The following IL7R variants were observed in gnomAD, a reference collection of about 807,000 sequenced individuals.
IL7R encodes interleukin 7 receptor.
IL7R carries 38 observed loss-of-function variants against 47.0 expected under a neutral mutation model. That is an observed-to-expected ratio of 0.81 (90% CI 0.62 to 1.06). The LOEUF (loss-of-function observed/expected upper bound fraction) is 1.06. IL7R is among the 50% of genes least tolerant of loss of function. The pLI is 0.00. For missense variants in IL7R, 633 were observed against 534.8 expected (o/e 1.18, Z -1.81); for synonymous variants, 221 against 199.8 (o/e 1.11, Z -0.89).
rs891098363 is a variant in IL7R at position 35,876,474 on chromosome 5, C to T, written c.1368C>T (p.Tyr456=). ...CATATGTCACCATGTCCAGCTTCTA[C>T]CAAAACCAGTGAAGTGTAAGAAACC... The part of the protein sequence containing the change: ...EEAYVTMSSF[Y]QNQ The change falls in exon 8 of 8, where the codon TAC becomes TAT. Residue 456 remains tyrosine, a synonymous_variant. Coordinates refer to ENST00000303115, the MANE Select transcript of IL7R (RefSeq NM_002185.5). 2.5e-6 allele frequency: 4 copies of T among 1,602,578 alleles called. No homozygotes were observed. The highest frequency in any genetic ancestry group is 1.1e-5 in the South Asian group (1 of 91,084).
Position 35,876,676 on chromosome 5 carries a change from G to A in IL7R, c.*190G>A. 1.5e-6 allele frequency: 1 copy of A among 649,218 alleles called. No individual in the cohort carries two copies. The highest frequency in any genetic ancestry group is 2.7e-5 in the East Asian group (1 of 36,576). The allele number at this position is 649,218 out of a possible 1,614,324, so 40.2% of individuals were successfully genotyped here. On this transcript the variant is annotated 3_prime_UTR_variant, in exon 8 of 8. Coordinates refer to ENST00000303115, the MANE Select transcript of IL7R (RefSeq NM_002185.5). ...TTCAGTGGCACTCAACATGAGTCAA[G>A]AGCATCCTGCTTCTACCATGTGGAT...
intron 5 of IL7R, 87 bp from the exon 6 acceptor site, chr5:35,874,362 A>G: frequency 1.1e-6 from 1 of 879,200 alleles, no homozygotes; most frequent in South Asian, 1.3e-5. Context: ...GTGGGCCCAC[A>G]TTACTAAGTA....
In IL7R at chr5:35,873,493, C is replaced by G. The variant is rs1760123299; in HGVS notation, c.551C>G (p.Ser184Cys). The G allele has an allele frequency of 1.2e-6, 2 of 1,613,820 alleles. No homozygotes were observed. Among genetic ancestry groups the G allele is most frequent in the East Asian group, 2.2e-5 (1 of 44,896 alleles). The change falls in exon 5 of 8, where the codon TCC (serine) becomes TGC (cysteine). Residue 184 changes from serine (S) to cysteine (C), a missense_variant. Coordinates refer to ENST00000303115, the MANE Select transcript of IL7R (RefSeq NM_002185.5). ...TCTACTCTCTAGCATGTGAATTTAT[C>G]CAGCACAAAGCTGACACTCCTGCAG... ...DENKWTHVNLSSTKLTLLQRK... is the reference protein window; with the variant it reads ...DENKWTHVNLCSTKLTLLQRK...
Position 35,876,254 on chromosome 5 carries a change from C to A in IL7R, c.1148C>A (p.Ser383Tyr), listed in dbSNP as rs2149905860. 1 of 1,614,094 alleles carries A rather than the reference C, an allele frequency of 6.2e-7. No individual in the cohort carries two copies. The highest frequency in any genetic ancestry group is 8.5e-7 in the Non-Finnish European group (1 of 1,180,010). The change falls in exon 8 of 8, where the codon TCC (serine) becomes TAC (tyrosine). Residue 383 changes from serine (S) to tyrosine (Y), a missense_variant. Transcript: ENST00000303115. ...NVSACDAPILSSSRSLDCRES... is the reference protein window; with the variant it reads ...NVSACDAPILYSSRSLDCRES... ...AGTGCATGTGACGCCCCTATTCTCT[C>A]CTCTTCCAGGTCCCTAGACTGCAGG...
At chr5:35,860,748 T>C (rs1161467498) in intron 1 of IL7R, 104 bp from the exon 2 acceptor site, 2 of 1,156,544 alleles carry the variant, frequency 1.7e-6, no homozygotes, top group Non-Finnish European at 2.6e-6. Context: ...TCCATTACTA[T>C]TTCATGTCTG....
In IL7R at chr5:35,877,624, T is replaced by A; in HGVS notation, c.*1138T>A. ...TAGACACTACCCCAACCTAAATTCATCCCTAAATTGTCCCAAGTTCTCCAG... is the reference window on the plus strand; with the variant it reads ...TAGACACTACCCCAACCTAAATTCAACCCTAAATTGTCCCAAGTTCTCCAG... On this transcript the variant is annotated 3_prime_UTR_variant, in exon 8 of 8. Coordinates refer to ENST00000303115, the MANE Select transcript of IL7R (RefSeq NM_002185.5). 4.3e-6 allele frequency: 1 copy of A among 233,052 alleles called. No individual in the cohort carries two copies. The highest frequency in any genetic ancestry group is 8.5e-6 in the Non-Finnish European group (1 of 118,002). The allele number at this position is 233,052 out of a possible 1,614,324, so 14.4% of individuals were successfully genotyped here. A position where few individuals can be genotyped will look rare whatever the true frequency, so the allele number is the denominator to read the frequency against.
chr5:35,866,576 T>C (rs917281662), intron 2 of IL7R, among the ~76,000 whole-genome samples: 1 of 152,154 alleles, frequency 6.6e-6, no homozygotes, highest in African/African-American at 2.4e-5. Flanking sequence ...GTTTAATTTC[T>C]TTGAGAGAAA....
At chr5:35,871,446 CA>C (rs1760073824) in intron 4 of IL7R, among the ~76,000 whole-genome samples, 1 of 152,138 alleles carries the variant, frequency 6.6e-6, no homozygotes, top group African/African-American at 2.4e-5. Flanking sequence ...AATGTTTCTA[CA>C]TTAGTGAGTT....
chr5:35,860,647 G>A (rs775383120), intron 1 of IL7R, among the ~76,000 whole-genome samples: 1 of 151,968 alleles, frequency 6.6e-6, no homozygotes, highest in Non-Finnish European at 1.5e-5. Context: ...AGCATTGAGC[G>A]TTTTTGTTTT....
chr5:35,862,391 C>A (rs528907439), intron 2 of IL7R, among the ~76,000 whole-genome samples: 1 of 152,096 alleles, frequency 6.6e-6, no homozygotes, highest in East Asian at 1.9e-4. Flanking sequence ...TTCATTCACA[C>A]CATATTTGAC....
In IL7R at chr5:35,875,611, AG is replaced by A. The variant is rs541039622; in HGVS notation, c.876+25del. The A allele has an allele frequency of 1.7e-4, 262 of 1,564,064 alleles. 1 individual carries two copies. In the African/African-American group the frequency reaches 3.3e-3, roughly 19 times the overall value. On this transcript the variant is annotated intron_variant, in intron 7 of 7. Coordinates refer to ENST00000303115, the MANE Select transcript of IL7R (RefSeq NM_002185.5). ...AAGTGAGTGTTTTTGGTGCTTAAAAAGTGTTGTGTTGGCAACATCCCAGTGG... is the reference window on the plus strand; with the variant it reads ...AAGTGAGTGTTTTTGGTGCTTAAAAATGTTGTGTTGGCAACATCCCAGTGG...
At chr5:35,871,298 G>A (rs1468040087) in intron 4 of IL7R, 85 bp downstream of exon 4, 1 of 1,124,538 alleles carries the variant, frequency 8.9e-7, no homozygotes, top group Non-Finnish European at 1.3e-6. Context: ...CCCCTGGGAG[G>A]GCCCAACAAT....
intron 2 of IL7R, among the ~76,000 whole-genome samples, chr5:35,866,839 A>G (rs944732116): frequency 9.9e-5 from 15 of 152,080 alleles, no homozygotes; most frequent in African/African-American, 3.4e-4. Flanking sequence ...AAAATCCATT[A>G]CGTTACCCAT....
At chr5:35,857,348 A>G (rs1759679561) in intron 1 of IL7R, among the ~76,000 whole-genome samples, 1 of 152,126 alleles carries the variant, frequency 6.6e-6, no homozygotes, top group Non-Finnish European at 1.5e-5. Context: ...AAGAATGCTC[A>G]TGTAGATGCT....
intron 6 of IL7R, among the ~76,000 whole-genome samples, chr5:35,875,178 G>A (rs1760172706): frequency 6.6e-6 from 1 of 152,154 alleles, no homozygotes; most frequent in Admixed American, 6.5e-5. Context: ...GTAAACAACG[G>A]GGTTAAATTT....
intron 1 of IL7R, among the ~76,000 whole-genome samples, chr5:35,857,630 C>A (rs542296838): frequency 5.3e-5 from 8 of 152,212 alleles, no homozygotes; most frequent in African/African-American, 1.9e-4. Flanking sequence ...AAGTAAATAA[C>A]TGACTAGAGA....
chr5:35,873,291 A>AT, intron 4 of IL7R, 189 bp from the exon 5 acceptor site: 1 of 638,008 alleles, frequency 1.6e-6, no homozygotes, highest in South Asian at 1.8e-5. Flanking sequence ...AACATCCTTT[A>AT]TAAGCTCAGA....
In IL7R at chr5:35,856,954, C is replaced by T; in HGVS notation, c.-24C>T. Reference sequence around the variant, plus strand: ...TCATACACACTGGCTCACACATCTACTCTCTCTCTCTATCTCTCTCAGAAT... The same window carrying T: ...TCATACACACTGGCTCACACATCTATTCTCTCTCTCTATCTCTCTCAGAAT... On this transcript the variant is annotated 5_prime_UTR_variant, in exon 1 of 8. Transcript: ENST00000303115. The T allele has an allele frequency of 7.8e-7, 1 of 1,279,362 alleles. No individual in the cohort carries two copies. The highest frequency in any genetic ancestry group is 1.5e-5 in the African/African-American group (1 of 68,430). 79.3% of individuals were successfully genotyped at this position (1,279,362 alleles called of 1,614,324 possible).
At chr5:35,869,396 A>G (rs899722900) in intron 3 of IL7R, among the ~76,000 whole-genome samples, 1 of 152,164 alleles carries the variant, frequency 6.6e-6, no homozygotes, top group African/African-American at 2.4e-5. Flanking sequence ...GAGCTTGAGG[A>G]AAACTGTCCA....
Sources: gnomAD v4.1 joint callset for allele counts (sites outside exome capture counted in the v4.1 genomes callset) on GRCh38, gnomAD v4.1.1 for gene constraint, MANE v1.5 for transcripts, NCBI Gene and HGNC (gene_info 2026-07-23, HGNC 2026-07-21) for gene names.